MAF: variants seen among roughly 807,000 people sequenced by gnomAD.
MAF encodes transcription factor Maf.
A neutral mutation model predicts 22.0 loss-of-function variants in MAF; 10 were observed. That is an observed-to-expected ratio of 0.45 (90% confidence interval 0.28 to 0.77). The LOEUF is 0.77. Among genes scored for constraint, MAF ranks in the 30% least tolerant of loss-of-function variants. MAF has a pLI of 0.12. For synonymous variants in MAF, 337 were observed against 255.8 expected (o/e 1.32, Z -3.03); for missense variants, 544 against 548.4 (o/e 0.99, Z 0.08).
the MAF span, among the ~76,000 whole-genome samples, chr16:79,433,273 A>T: frequency 1.4e-5 from 2 of 141,314 alleles, no homozygotes; most frequent in African/African-American, 2.6e-5. Context: ...CAAGTAAAAA[A>T]AAAAATATAT....
chr16:79,273,912 T>G, the MAF span, among the ~76,000 whole-genome samples: 1 of 151,420 alleles, frequency 6.6e-6, no homozygotes, highest in African/African-American at 2.4e-5. Flanking sequence ...GCTGGAGGTC[T>G]GCAGAATCAG....
the MAF span, among the ~76,000 whole-genome samples, chr16:79,367,965 A>T: frequency 1.3e-5 from 2 of 152,226 alleles, no homozygotes; most frequent in Non-Finnish European, 2.9e-5. Context: ...AGACCAGACC[A>T]ATCTGGGATG....
At chr16:79,340,185 T>TCCTTC in the MAF span, among the ~76,000 whole-genome samples, 1 of 152,018 alleles carries the variant, frequency 6.6e-6, no homozygotes, top group Admixed American at 6.5e-5. Flanking sequence ...TACCTGCCCC[T>TCCTTC]CCTTCCCTGT....
At chr16:79,399,285 G>T in the MAF span, among the ~76,000 whole-genome samples, 1 of 152,200 alleles carries the variant, frequency 6.6e-6, no homozygotes, top group African/African-American at 2.4e-5. Context: ...AAAATTCTTT[G>T]TAAAGTGCTC....
At chr16:79,222,257 A>G in the MAF span, among the ~76,000 whole-genome samples, 1 of 152,214 alleles carries the variant, frequency 6.6e-6, no homozygotes, top group Admixed American at 6.5e-5. Flanking sequence ...AGCGAAGGAG[A>G]AATAAAATTC....
chr16:79,548,551 G>A, the MAF span, among the ~76,000 whole-genome samples: 1 of 152,188 alleles, frequency 6.6e-6, no homozygotes, highest in African/African-American at 2.4e-5. Flanking sequence ...GCATGATACC[G>A]TTGATGACCA....
At chr16:79,595,348 T>C in intron 1 of MAF, 1 of 1,051,358 alleles carries the variant, frequency 9.5e-7, no homozygotes, top group Non-Finnish European at 1.1e-6. Flanking sequence ...TGGCCAGAAC[T>C]TAGCAGCACC....
At chr16:79,335,046 A>G in the MAF span, among the ~76,000 whole-genome samples, 1 of 151,778 alleles carries the variant, frequency 6.6e-6, no homozygotes, top group Non-Finnish European at 1.5e-5. Context: ...TTTGCTGGGC[A>G]TGGTGGCGTG....
the MAF span, among the ~76,000 whole-genome samples, chr16:79,571,709 G>A: frequency 6.6e-6 from 1 of 151,904 alleles, no homozygotes; most frequent in Non-Finnish European, 1.5e-5. Context: ...TAGATCTACA[G>A]GTCTACAAGG....
At chr16:79,339,861 A>G in the MAF span, among the ~76,000 whole-genome samples, 1 of 152,226 alleles carries the variant, frequency 6.6e-6, no homozygotes, top group Non-Finnish European at 1.5e-5. Flanking sequence ...AAGCAAAGCC[A>G]ACACTGGATT....
downstream of MAF, among the ~76,000 whole-genome samples, chr16:79,590,971 G>A (rs1271041568): frequency 6.6e-6 from 1 of 152,058 alleles, no homozygotes; most frequent in East Asian, 1.9e-4. Context: ...GAGAACCAGG[G>A]CAACTATAGG....
At chr16:79,406,043 G>C in the MAF span, among the ~76,000 whole-genome samples, 1 of 152,194 alleles carries the variant, frequency 6.6e-6, no homozygotes, top group African/African-American at 2.4e-5. Flanking sequence ...ACTGGGGTTG[G>C]TGTATAAATA....
the MAF span, among the ~76,000 whole-genome samples, chr16:79,250,781 G>C: frequency 6.6e-6 from 1 of 152,168 alleles, no homozygotes; most frequent in African/African-American, 2.4e-5. Context: ...ATGAGCTTCG[G>C]TTTCCAGCTT....
chr16:79,532,952 T>C, the MAF span, among the ~76,000 whole-genome samples: 2 of 152,218 alleles, frequency 1.3e-5, no homozygotes, highest in African/African-American at 2.4e-5. Flanking sequence ...CCTTGGGTCT[T>C]TGCCGACATC....
At chr16:79,412,273 G>C in the MAF span, among the ~76,000 whole-genome samples, 2 of 152,198 alleles carry the variant, frequency 1.3e-5, no homozygotes, top group African/African-American at 2.4e-5. Context: ...TAAAGGGCCA[G>C]TTGACACCCT....
At chr16:79,473,527 G>C in the MAF span, among the ~76,000 whole-genome samples, 1 of 152,088 alleles carries the variant, frequency 6.6e-6, no homozygotes, top group Non-Finnish European at 1.5e-5. Context: ...GCCAAACAAT[G>C]TCAGATAAAA....
At chr16:79,417,847 A>G in the MAF span, among the ~76,000 whole-genome samples, 1 of 152,070 alleles carries the variant, frequency 6.6e-6, no homozygotes, top group Non-Finnish European at 1.5e-5. Flanking sequence ...GCTCCACACG[A>G]CGCGGCACAC....
the MAF span, chr16:79,206,052 G>A: frequency 4.6e-5 from 7 of 152,112 alleles, no homozygotes; most frequent in Non-Finnish European, 8.8e-5. Context: ...TTGGATCATC[G>A]AAGGGGGTGC....
At chr16:79,597,216 G>T (rs925626997) in intron 1 of MAF, 2 of 1,052,480 alleles carry the variant, frequency 1.9e-6, no homozygotes, top group African/African-American at 3.3e-5. Context: ...CAGCTAAACA[G>T]ACCTAACTCT....
Sources: allele counts gnomAD v4.1 joint callset (sites outside exome capture counted in the v4.1 genomes callset), GRCh38; gene constraint gnomAD v4.1.1; transcripts MANE v1.5; gene names NCBI Gene and HGNC (gene_info 2026-07-23, HGNC 2026-07-21).